Variants in CENPW observed in about 807,000 individuals in gnomAD.
CENPW encodes cancer-up-regulated gene 2 protein.
A neutral mutation model predicts 11.1 loss-of-function variants in CENPW; 3 were observed. The observed-to-expected ratio is 0.27, with a 90% confidence interval of 0.12 to 0.70. The LOEUF (loss-of-function observed/expected upper bound fraction) is 0.70, where lower values mean the gene tolerates loss of function less well. Among genes scored for constraint, CENPW ranks in the 30% least tolerant of loss-of-function variants. The pLI is 0.77. For missense variants in CENPW, 100 were observed against 105.6 expected, an observed-to-expected ratio of 0.95 and a Z score of 0.23; for synonymous variants, 38 against 42.0, an observed-to-expected ratio of 0.91 and a Z score of 0.37.
the CENPW span, among the ~76,000 whole-genome samples, chr6:126,462,550 A>ACACC: frequency 1.3e-5 from 2 of 150,774 alleles, no homozygotes; most frequent in African/African-American, 4.9e-5. Context: ...ACACACACAC[A>ACACC]CACACACACG....
the CENPW span, among the ~76,000 whole-genome samples, chr6:126,424,424 T>G: frequency 6.6e-6 from 1 of 152,098 alleles, no homozygotes; most frequent in Non-Finnish European, 1.5e-5. Flanking sequence ...TGAAAGTAAT[T>G]GGGTATTTTC....
chr6:126,473,915 T>TAGATATATAGAATATATATGCAC, the CENPW span, among the ~76,000 whole-genome samples: 1 of 140,704 alleles, frequency 7.1e-6, no homozygotes, highest in African/African-American at 2.6e-5. Context: ...AATATATGCA[T>TAGATATATAGAATATATATGCAC]AGCATAGATA....
At chr6:126,424,444 A>G in the CENPW span, among the ~76,000 whole-genome samples, 1 of 152,184 alleles carries the variant, frequency 6.6e-6, no homozygotes. Context: ...CTCACAATTC[A>G]GAAACATATT....
At chr6:126,458,508 C>T in the CENPW span, among the ~76,000 whole-genome samples, 3 of 151,244 alleles carry the variant, frequency 2.0e-5, no homozygotes, top group Non-Finnish European at 4.4e-5. Flanking sequence ...TTATTAGCAT[C>T]GATGCTTTTT....
chr6:126,469,702 A>G, the CENPW span, among the ~76,000 whole-genome samples: 1 of 152,200 alleles, frequency 6.6e-6, no homozygotes, highest in Non-Finnish European at 1.5e-5. Context: ...GTCCAGGCTG[A>G]GGTGGTCTCA....
the CENPW span, among the ~76,000 whole-genome samples, chr6:126,479,322 C>T: frequency 6.6e-6 from 1 of 151,912 alleles, no homozygotes; most frequent in Admixed American, 6.6e-5. Context: ...GATCTCTGTC[C>T]TGAGCTCCAG....
At chr6:126,382,665 G>A in the CENPW span, among the ~76,000 whole-genome samples, 3 of 152,102 alleles carry the variant, frequency 2.0e-5, no homozygotes, top group African/African-American at 7.2e-5. Flanking sequence ...ATTAACAGCA[G>A]AATAGACCAA....
chr6:126,340,542 C>T (rs900986674), intron 1 of CENPW, 143 bp downstream of exon 1: 13 of 1,157,320 alleles, frequency 1.1e-5, no homozygotes, highest in Non-Finnish European at 1.5e-5. Flanking sequence ...TGACAGGGAA[C>T]GTATGCCCCA....
the CENPW span, among the ~76,000 whole-genome samples, chr6:126,384,157 T>A: frequency 6.6e-6 from 1 of 152,040 alleles, no homozygotes; most frequent in Non-Finnish European, 1.5e-5. Flanking sequence ...GACTTTCAAG[T>A]TAATAATGAA....
chr6:126,467,632 GAATA>G, the CENPW span, among the ~76,000 whole-genome samples: 45 of 151,912 alleles, frequency 3.0e-4, no homozygotes, highest in African/African-American at 4.8e-4. Context: ...ATAAATGATT[GAATA>G]AATAAATAAA....
the CENPW span, among the ~76,000 whole-genome samples, chr6:126,363,311 A>G: frequency 1.3e-5 from 2 of 152,376 alleles, no homozygotes; most frequent in African/African-American, 4.8e-5. Flanking sequence ...TTTGGCCCAC[A>G]TAGTTTTTTA....
chr6:126,471,331 G>A, the CENPW span, among the ~76,000 whole-genome samples: 3 of 152,116 alleles, frequency 2.0e-5, no homozygotes, highest in Non-Finnish European at 2.9e-5. Context: ...TGTGAAGAAG[G>A]TGCCTGCTTC....
the CENPW span, among the ~76,000 whole-genome samples, chr6:126,405,362 A>G: frequency 1.3e-5 from 2 of 151,806 alleles, no homozygotes; most frequent in Non-Finnish European, 2.9e-5. Context: ...TTATTGGCCT[A>G]TGTTTCTGTT....
the CENPW span, among the ~76,000 whole-genome samples, chr6:126,468,434 A>AAG: frequency 2.7e-5 from 4 of 150,354 alleles, 1 homozygote; most frequent in Admixed American, 2.0e-4. Flanking sequence ...AAAAAAAAAA[A>AAG]AAAAAAAAAA....
At chr6:126,457,160 T>A in the CENPW span, among the ~76,000 whole-genome samples, 1 of 151,108 alleles carries the variant, frequency 6.6e-6, no homozygotes, top group South Asian at 2.1e-4. Flanking sequence ...GAAAAAAAAA[T>A]TGCTATTTGA....
chr6:126,341,957 A>G (rs2128289414), intron 1 of CENPW, among the ~76,000 whole-genome samples: 1 of 152,318 alleles, frequency 6.6e-6, no homozygotes, highest in Non-Finnish European at 1.5e-5. Flanking sequence ...AAGCGGTTGC[A>G]TTGATGGGGT....
At chr6:126,471,804 A>G in the CENPW span, among the ~76,000 whole-genome samples, 3 of 152,184 alleles carry the variant, frequency 2.0e-5, no homozygotes, top group African/African-American at 4.8e-5. Flanking sequence ...AATGGGACCT[A>G]TGATGGTTTG....
At chr6:126,461,141 G>A in the CENPW span, among the ~76,000 whole-genome samples, 331 of 151,892 alleles carry the variant, frequency 2.2e-3, 2 homozygotes, top group Non-Finnish European at 3.3e-3. Flanking sequence ...TAATTACCAC[G>A]TGTTGTGGGA....
the CENPW span, among the ~76,000 whole-genome samples, chr6:126,460,111 A>T: frequency 2.7e-4 from 41 of 151,682 alleles, no homozygotes; most frequent in African/African-American, 9.9e-4. Context: ...CTTACACCAA[A>T]TTTTCGGTAA....
Sources: allele counts gnomAD v4.1 joint callset (sites outside exome capture counted in the v4.1 genomes callset), GRCh38; gene constraint gnomAD v4.1.1; transcripts MANE v1.5; gene names NCBI Gene and HGNC (gene_info 2026-07-23, HGNC 2026-07-21).